The following COL8A1 variants were observed in gnomAD, a reference collection of about 807,000 sequenced individuals.
The protein encoded by COL8A1 is collagen type VIII alpha 1 chain, also known as collagen alpha-1(VIII) chain.
Under a neutral mutation model 42.7 loss-of-function variants are expected in COL8A1, and 21 were observed. The observed-to-expected ratio is 0.49, with a 90% CI of 0.35 to 0.71. COL8A1 has a LOEUF of 0.71. Among genes scored for constraint, COL8A1 ranks in the 30% least tolerant of loss-of-function variants. The pLI is 0.01. For missense variants in COL8A1, 788 were observed against 962.4 expected (o/e 0.82, Z 2.40); for synonymous variants, 367 against 369.1 (o/e 0.99, Z 0.06).
intron 1 of COL8A1, among the ~76,000 whole-genome samples, chr3:99,686,747 T>C (rs1420780199): frequency 6.6e-6 from 1 of 152,194 alleles, no homozygotes; most frequent in Admixed American, 6.5e-5. Flanking sequence ...TGATCACAGC[T>C]CACTGTGGCC....
At chr3:99,652,633 C>A (rs1937882351) in intron 1 of COL8A1, among the ~76,000 whole-genome samples, 1 of 152,148 alleles carries the variant, frequency 6.6e-6, no homozygotes, top group African/African-American at 2.4e-5. Context: ...GCGGACTGAC[C>A]TGCAAGGTTT....
Position 99,796,146 on chromosome 3 carries a change from A to C in COL8A1, c.*10A>C. 6.8e-7 allele frequency: 1 copy of C among 1,460,284 alleles called. No individual in the cohort carries two copies. Among genetic ancestry groups the C allele is most frequent in the Non-Finnish European group, 9.1e-7 (1 of 1,101,678 alleles). The allele number at this position is 1,460,284 out of a possible 1,614,324, so 90.5% of individuals were successfully genotyped here. A position where few individuals can be genotyped will look rare whatever the true frequency, so the allele number is the denominator to read the frequency against. On this transcript the variant is annotated 3_prime_UTR_variant, in exon 4 of 4. Coordinates refer to ENST00000652472, the MANE Select transcript of COL8A1 (RefSeq NM_020351.4). ...ATTGTATCCCATGTAAAAACAAAAA[A>C]ACAAAAAACAAAGAAAAGAAAGAGA...
intron 1 of COL8A1, among the ~76,000 whole-genome samples, chr3:99,707,342 G>A (rs917393034): frequency 2.0e-5 from 3 of 152,164 alleles, no homozygotes; most frequent in Non-Finnish European, 4.4e-5. Flanking sequence ...TGAATAACCA[G>A]GCTCTCAAGC....
At chr3:99,651,814 A>G (rs1372919337) in intron 1 of COL8A1, among the ~76,000 whole-genome samples, 2 of 152,242 alleles carry the variant, frequency 1.3e-5, no homozygotes, top group Non-Finnish European at 2.9e-5. Flanking sequence ...GAGCCACTCC[A>G]GAAGCCAGGG....
In COL8A1 at chr3:99,794,936, A is replaced by G. The variant is rs752112881; in HGVS notation, c.1035A>G (p.Pro345=). 56 of 1,594,320 alleles carry G rather than the reference A, an allele frequency of 3.5e-5. No homozygotes were observed. The highest frequency in any genetic ancestry group is 4.4e-5 in the Non-Finnish European group (51 of 1,170,926). ...GACTGCCAGGGCTACCAGGACCCCC[A>G]GGCCTTCCAGGGATTGGGAAACCAG... ...EQGLPGLPGP[P]GLPGIGKPGF... The change falls in exon 4 of 4, where the codon CCA becomes CCG. Residue 345 remains proline (P), a synonymous_variant. Transcript: ENST00000652472. This position sits in a 1 kb window ranked among gnomAD's most constrained non-coding sequence, Gnocchi z 4.3.
intron 2 of COL8A1, among the ~76,000 whole-genome samples, chr3:99,767,667 G>A (rs969648408): frequency 6.6e-6 from 1 of 152,112 alleles, no homozygotes; most frequent in African/African-American, 2.4e-5. Context: ...CAACTATATT[G>A]TAGCCCATCA....
intron 1 of COL8A1, among the ~76,000 whole-genome samples, chr3:99,657,964 T>C (rs1037538662): frequency 1.2e-4 from 18 of 152,030 alleles, no homozygotes; most frequent in African/African-American, 4.3e-4. Context: ...ACGTCTCTAC[T>C]AAAAATACAA....
At chr3:99,764,161 T>C (rs1033191827) in intron 2 of COL8A1, among the ~76,000 whole-genome samples, 4 of 152,204 alleles carry the variant, frequency 2.6e-5, no homozygotes, top group Admixed American at 1.3e-4. Context: ...AACTGAACTT[T>C]TTATATAGAA....
At chr3:99,727,209 C>T (rs1231641808) in intron 1 of COL8A1, among the ~76,000 whole-genome samples, 3 of 152,014 alleles carry the variant, frequency 2.0e-5, no homozygotes, top group Admixed American at 1.3e-4. Flanking sequence ...ATTTGGCTCT[C>T]TGTTTGTCTG....
chr3:99,707,058 G>C (rs1576440670), intron 1 of COL8A1: 2 of 152,172 alleles, frequency 1.3e-5, no homozygotes, highest in African/African-American at 4.8e-5. Flanking sequence ...AAGAAGATGA[G>C]TTAAATTGGA....
At chr3:99,780,753 C>T (rs929958986) in intron 2 of COL8A1, among the ~76,000 whole-genome samples, 1 of 152,206 alleles carries the variant, frequency 6.6e-6, no homozygotes, top group African/African-American at 2.4e-5. Flanking sequence ...TAATACTCTG[C>T]CCTTTCCTTT....
chr3:99,738,474 A>C (rs1166528683), intron 1 of COL8A1, among the ~76,000 whole-genome samples: 1 of 152,078 alleles, frequency 6.6e-6, no homozygotes, highest in Non-Finnish European at 1.5e-5. Context: ...GTCTGTTGGA[A>C]TACGCTGCCG....
intron 1 of COL8A1, among the ~76,000 whole-genome samples, chr3:99,699,243 C>G (rs927567963): frequency 6.6e-6 from 1 of 152,178 alleles, no homozygotes; most frequent in Admixed American, 6.5e-5. Context: ...CCAGCCATTT[C>G]TCTCTCATCT....
At position 99,790,688 on chromosome 3, in the gene COL8A1, T is replaced by G. The variant is rs1255644361; in HGVS notation, c.6T>G (p.Ala2=). The G allele has an allele frequency of 6.2e-7, 1 of 1,613,856 alleles. No homozygotes were observed. Among genetic ancestry groups the G allele is most frequent in the African/African-American group, 1.3e-5 (1 of 75,060 alleles). The change falls in exon 3 of 4, where the codon GCT becomes GCG. Residue 2 remains alanine (A), a synonymous_variant. Coordinates refer to ENST00000652472, the MANE Select transcript of COL8A1 (RefSeq NM_020351.4). ...ATTGGTTCCTCCCACAGGTGATGGC[T>G]GTGCTGCCTGGCCCTCTGCAGCTGC... M[A]VLPGPLQLLG...
intron 1 of COL8A1, among the ~76,000 whole-genome samples, chr3:99,704,008 G>A (rs1939613378): frequency 6.6e-6 from 1 of 152,056 alleles, no homozygotes; most frequent in South Asian, 2.1e-4. Context: ...AAAACAAAAA[G>A]AAGCATAACT....
chr3:99,750,049 C>CTTTTTTTTTTTTTTTTT (rs1176042144), intron 2 of COL8A1, among the ~76,000 whole-genome samples: 120 of 65,966 alleles, frequency 1.8e-3, no homozygotes, highest in Non-Finnish European at 2.0e-3. Context: ...TTTTTTTCTT[C>CTTTTTTTTTTTTTTTTT]TTTTTTTTTT....
intron 1 of COL8A1, among the ~76,000 whole-genome samples, chr3:99,731,917 T>C (rs1390536334): frequency 6.6e-6 from 1 of 152,102 alleles, no homozygotes; most frequent in Non-Finnish European, 1.5e-5. Flanking sequence ...CACACAAATA[T>C]AAGTATAAAA....
At chr3:99,743,972 A>C (rs1418171951) in intron 1 of COL8A1, among the ~76,000 whole-genome samples, 1 of 148,322 alleles carries the variant, frequency 6.7e-6, no homozygotes, top group Non-Finnish European at 1.5e-5. Flanking sequence ...TCTGACGCCC[A>C]GGCTGGAGTG....
At chr3:99,695,726 T>C (rs1939347028) in intron 1 of COL8A1, among the ~76,000 whole-genome samples, 1 of 152,212 alleles carries the variant, frequency 6.6e-6, no homozygotes, top group Non-Finnish European at 1.5e-5. Context: ...TTTTAACATG[T>C]ATTGCACAAA....
Sources: allele counts gnomAD v4.1 joint callset (sites outside exome capture counted in the v4.1 genomes callset), GRCh38; gene constraint gnomAD v4.1.1; non-coding constraint Gnocchi (gnomAD v3.1); transcripts MANE v1.5; gene names NCBI Gene and HGNC (gene_info 2026-07-23, HGNC 2026-07-21).